Variants in ARHGEF28 observed in about 807,000 individuals in gnomAD.
The protein encoded by ARHGEF28 is 190 kDa guanine nucleotide exchange factor.
Under a neutral mutation model 206.6 loss-of-function variants are expected in ARHGEF28, and 152 were observed. The observed-to-expected ratio is 0.74, with a 90% CI of 0.64 to 0.84. ARHGEF28 has a LOEUF of 0.84. Among genes scored for constraint, ARHGEF28 ranks in the 40% least tolerant of loss-of-function variants. The pLI, the probability that ARHGEF28 is intolerant of heterozygous loss-of-function variation, is 0.00. For synonymous variants in ARHGEF28, 763 were observed against 776.4 expected (o/e 0.98, Z 0.29); for missense variants, 2,028 against 2,073.2 (o/e 0.98, Z 0.42).
At chr5:73,794,852 C>G (rs1230199471) in intron 8 of ARHGEF28, among the ~76,000 whole-genome samples, 1 of 152,178 alleles carries the variant, frequency 6.6e-6, no homozygotes, top group Admixed American at 6.5e-5. Flanking sequence ...GGTGATCTGC[C>G]CGCCTCGGTC....
intron 9 of ARHGEF28, among the ~76,000 whole-genome samples, chr5:73,818,230 G>T (rs1212384497): frequency 6.6e-6 from 1 of 152,076 alleles, no homozygotes; most frequent in Non-Finnish European, 1.5e-5. Flanking sequence ...CATTGTTTTG[G>T]ACTATTTCAT....
intron 24 of ARHGEF28, 28 bp downstream of exon 24, chr5:73,883,912 T>G (rs1761106658): frequency 2.1e-6 from 3 of 1,417,762 alleles, no homozygotes; most frequent in African/African-American, 2.9e-5. Flanking sequence ...GGATAAAAAT[T>G]TGCCCCTCTT....
At chr5:73,893,074 C>A in intron 27 of ARHGEF28, 123 bp from the exon 28 acceptor site, 3 of 752,350 alleles carry the variant, frequency 4.0e-6, no homozygotes, top group East Asian at 3.0e-5. Context: ...TGATGCATTC[C>A]CTTTATGCTG....
At chr5:73,724,707 G>A (rs898570056) in intron 2 of ARHGEF28, among the ~76,000 whole-genome samples, 1 of 152,150 alleles carries the variant, frequency 6.6e-6, no homozygotes, top group African/African-American at 2.4e-5. Context: ...AGTCATTTGA[G>A]ATTCATCCAT....
chr5:73,855,022 A>G (rs1019298878), intron 14 of ARHGEF28, among the ~76,000 whole-genome samples: 20 of 152,198 alleles, frequency 1.3e-4, no homozygotes, highest in Non-Finnish European at 2.5e-4. Context: ...ATTGTGAGTG[A>G]TGCTATCGGT....
At chr5:73,910,063 C>T (rs535469150) in intron 34 of ARHGEF28, among the ~76,000 whole-genome samples, 166 bp downstream of exon 34, 4 of 152,226 alleles carry the variant, frequency 2.6e-5, no homozygotes, top group South Asian at 4.1e-4. Context: ...TCAGAGATAA[C>T]GCATATCCAT....
At chr5:73,667,975 G>A (rs923885950) in intron 1 of ARHGEF28, among the ~76,000 whole-genome samples, 15 of 152,136 alleles carry the variant, frequency 9.9e-5, no homozygotes, top group African/African-American at 1.7e-4. Context: ...ATTTCTGTTT[G>A]AAACCTCATC....
At chr5:73,806,141 T>C (rs1046559021) in intron 9 of ARHGEF28, among the ~76,000 whole-genome samples, 8 of 150,550 alleles carry the variant, frequency 5.3e-5, no homozygotes, top group African/African-American at 1.9e-4. Context: ...AGTTACCTCA[T>C]AGTTACCTCA....
In ARHGEF28 at chr5:73,725,209, T is replaced by C. The variant is rs556895830; in HGVS notation, c.34-24628T>C. On this transcript the variant is annotated intron_variant, in intron 2 of 35. Coordinates refer to ENST00000513042, the MANE Select transcript of ARHGEF28 (RefSeq NM_001177693.2). ...ATAACTTCTGATAATACCTAAGAAG[T>C]ACATTTAATGATAGGAGTATCATAA... is the stretch of plus-strand genomic sequence containing the variant. Among the ~76,000 whole-genome samples, 4 of 152,334 alleles carry C rather than the reference T, an allele frequency of 2.6e-5. No individual in the cohort carries two copies. The South Asian group carries it at 8.3e-4, about 32-fold the overall frequency.
At chr5:73,746,002 G>A (rs1751698698) in intron 2 of ARHGEF28, among the ~76,000 whole-genome samples, 1 of 152,058 alleles carries the variant, frequency 6.6e-6, no homozygotes, top group East Asian at 1.9e-4. Context: ...AATTAAATCA[G>A]CGAGGAACTG....
chr5:73,848,745 C>G (rs1344415840), intron 12 of ARHGEF28, among the ~76,000 whole-genome samples: 2 of 151,994 alleles, frequency 1.3e-5, no homozygotes, highest in African/African-American at 4.8e-5. Flanking sequence ...TAGTTGCATT[C>G]TATAGTATAT....
At position 73,827,524 on chromosome 5, in the gene ARHGEF28, C is replaced by A. The variant is rs576707038; in HGVS notation, c.1025-4814C>A. ...ATTCTATGAGATGGATATATTATTG[C>A]CTTATTTTACAGATCAGGAAATGCA... On this transcript the variant is annotated intron_variant, in intron 9 of 35. Coordinates refer to ENST00000513042, the MANE Select transcript of ARHGEF28 (RefSeq NM_001177693.2). 2.0e-5 allele frequency among the ~76,000 whole-genome samples: 3 copies of A among 152,162 alleles called. No homozygotes were observed. In the East Asian group the frequency reaches 5.8e-4, roughly 29 times the overall value.
chr5:73,661,026 A>G (rs1425620716), intron 1 of ARHGEF28, among the ~76,000 whole-genome samples: 1 of 152,212 alleles, frequency 6.6e-6, no homozygotes, highest in Admixed American at 6.5e-5. Flanking sequence ...CTAGGCATTG[A>G]CACCTCCTCC....
chr5:73,839,499 C>A (rs1167383516), intron 10 of ARHGEF28, among the ~76,000 whole-genome samples: 1 of 152,172 alleles, frequency 6.6e-6, no homozygotes, highest in African/African-American at 2.4e-5. Flanking sequence ...CTTTTGATGA[C>A]CGCCACCTCA....
chr5:73,889,664 A>G (rs928899886), intron 26 of ARHGEF28, among the ~76,000 whole-genome samples: 1 of 152,256 alleles, frequency 6.6e-6, no homozygotes, highest in African/African-American at 2.4e-5. Flanking sequence ...ACAGCTAAGC[A>G]TGGCAGCTCC....
chr5:73,717,580 T>G (rs1007086939), intron 2 of ARHGEF28, among the ~76,000 whole-genome samples: 6 of 152,190 alleles, frequency 3.9e-5, no homozygotes, highest in Non-Finnish European at 8.8e-5. Flanking sequence ...AGAAAGTGGT[T>G]GTGTTTTTAT....
rs762328677 is a variant in ARHGEF28, at chr5:73,873,127, G to A, written c.2695G>A (p.Glu899Lys). 6.2e-7 allele frequency: 1 copy of A among 1,612,840 alleles called. No individual in the cohort carries two copies. Among genetic ancestry groups the A allele is most frequent in the African/African-American group, 1.3e-5 (1 of 74,886 alleles). Residue 899 changes from glutamate (E) to lysine (K), a missense_variant, in exon 22 of 36, where the codon GAG becomes AAG. Physicochemically the swap from Glu to Lys is moderately conservative, Grantham distance 56. This residue lies in a region of ARHGEF28 where 223 missense variants were observed against 289.9 expected (regional missense o/e 0.77). Coordinates refer to ENST00000513042, the MANE Select transcript of ARHGEF28 (RefSeq NM_001177693.2). ...GGATAAAATTTTCCCCTGTTTAGAT[G>A]AGTTGCTTGAAATCCACAGGCATTT... is the stretch of plus-strand genomic sequence containing the variant. The part of the protein sequence containing the change: ...TVDKIFPCLD[E>K]LLEIHRHFFY...
rs1759690577 is a variant in ARHGEF28 at position 73,866,132 on chromosome 5, C to T, written c.2152+119C>T. ...TATCCAGTTATTTCTTCTTTCATAA[C>T]ATATGCTTGGCATGATTTTTAGTTC... is the stretch of plus-strand genomic sequence containing the variant. On this transcript the variant is annotated intron_variant, in intron 18 of 35. Transcript: ENST00000513042. 3.3e-6 allele frequency: 3 copies of T among 916,412 alleles called. No homozygotes were observed. In the East Asian group the frequency reaches 8.2e-5, roughly 25 times the overall value. 56.8% of individuals were successfully genotyped at this position (916,412 alleles called of 1,614,324 possible).
chr5:73,816,129 G>A (rs1167128666), intron 9 of ARHGEF28, among the ~76,000 whole-genome samples: 1 of 152,062 alleles, frequency 6.6e-6, no homozygotes, highest in African/African-American at 2.4e-5. Context: ...GGGGGTGCCA[G>A]GCACTGTTCT....
Sources: allele counts gnomAD v4.1 joint callset (sites outside exome capture counted in the v4.1 genomes callset), GRCh38; gene constraint gnomAD v4.1.1; regional missense constraint gnomAD v4.1.1; transcripts MANE v1.5; gene names NCBI Gene and HGNC (gene_info 2026-07-23, HGNC 2026-07-21).